Variants in CUX2 observed in about 807,000 individuals in gnomAD.
CUX2 encodes cut like homeobox 2, also known as homeobox protein cut-like 2.
CUX2 carries 40 observed loss-of-function variants against 144.8 expected under a neutral mutation model. That is an observed-to-expected ratio of 0.28 (90% CI 0.21 to 0.36). The LOEUF (loss-of-function observed/expected upper bound fraction) is 0.36, where lower values mean the gene tolerates loss of function less well. Ranked by LOEUF, CUX2 falls within the 10% of genes least tolerant of loss-of-function variation. The pLI is 1.00. For synonymous variants in CUX2, 827 were observed against 875.6 expected, an observed-to-expected ratio of 0.94 and a Z score of 0.98; for missense variants, 1,615 against 1,994.0, an observed-to-expected ratio of 0.81 and a Z score of 3.62.
chr12:111,241,200 A>G (rs1046176819), intron 3 of CUX2, among the ~76,000 whole-genome samples: 6 of 152,116 alleles, frequency 3.9e-5, no homozygotes, highest in Admixed American at 3.3e-4. Flanking sequence ...GAGAGAAACC[A>G]AGGAAGCAAG....
chr12:111,226,603 AT>A (rs1190034372), intron 3 of CUX2, among the ~76,000 whole-genome samples: 4 of 152,084 alleles, frequency 2.6e-5, no homozygotes, highest in African/African-American at 9.7e-5. Flanking sequence ...ATATTGACTG[AT>A]TTTTTTAATC....
At chr12:111,288,473 C>T (rs1019836612) in intron 4 of CUX2, among the ~76,000 whole-genome samples, 1 of 151,984 alleles carries the variant, frequency 6.6e-6, no homozygotes, top group Admixed American at 6.6e-5. Context: ...TTGAGGTCCA[C>T]ACTCTTGATC....
At chr12:111,088,665 G>A (rs1045530654) in intron 1 of CUX2, among the ~76,000 whole-genome samples, 1 of 152,204 alleles carries the variant, frequency 6.6e-6, no homozygotes, top group Non-Finnish European at 1.5e-5. Context: ...GAGAGCTTAA[G>A]GGACTTGTCT....
chr12:111,135,198 G>GA (rs368058590), intron 1 of CUX2, among the ~76,000 whole-genome samples: 9 of 139,146 alleles, frequency 6.5e-5, no homozygotes, highest in South Asian at 2.5e-4. Context: ...GTGCTATGAA[G>GA]AAAAAAAAAA....
chr12:111,322,753 T>A lies in CUX2; in HGVS notation c.2926+173T>A, dbSNP rs1256837616. Among the ~76,000 whole-genome samples the A allele has an allele frequency of 6.6e-6, 1 of 152,158 alleles. No homozygotes were observed. Among genetic ancestry groups the A allele is most frequent in the Non-Finnish European group, 1.5e-5 (1 of 68,008 alleles). Reference sequence around the variant, plus strand: ...GGAACATGGCGGGGGGTCCTGGGGTTTCTCTGCTCCCCTTTCTTCCTTCCT... The same window carrying A: ...GGAACATGGCGGGGGGTCCTGGGGTATCTCTGCTCCCCTTTCTTCCTTCCT... On this transcript the variant is annotated intron_variant, in intron 18 of 21. Coordinates refer to ENST00000261726, the MANE Select transcript of CUX2 (RefSeq NM_015267.4). This position sits in a 1 kb window ranked among gnomAD's most constrained non-coding sequence, Gnocchi z 4.2.
rs1877676999 is a variant in CUX2, at chr12:111,160,390, C to T, written c.64-53810C>T. ...GTATGGGCAAGCATGTGTGTGCGGGCATCTGGGCGTATTCGGGACGTGTGT... is the reference window on the plus strand; with the variant it reads ...GTATGGGCAAGCATGTGTGTGCGGGTATCTGGGCGTATTCGGGACGTGTGT... On this transcript the variant is annotated intron_variant, in intron 1 of 21. Coordinates refer to ENST00000261726, the MANE Select transcript of CUX2 (RefSeq NM_015267.4). The surrounding 1 kb of genome is among the most constrained non-coding windows in gnomAD (Gnocchi z 4.1). Among the ~76,000 whole-genome samples the T allele has an allele frequency of 6.6e-6, 1 of 152,020 alleles. No homozygotes were observed. The highest frequency in any genetic ancestry group is 1.5e-5 in the Non-Finnish European group (1 of 67,982).
rs1350834773 is a variant in CUX2 at position 111,255,579 on chromosome 12, A to C, written c.223-8182A>C. Among the ~76,000 whole-genome samples, 1 of 152,156 alleles carries C rather than the reference A, an allele frequency of 6.6e-6. No homozygotes were observed. The highest frequency in any genetic ancestry group is 2.4e-5 in the African/African-American group (1 of 41,436). ...AAGAATCGATTCTGAGTGGAGGCTG[A>C]GAAGCATGGGCTTTGCTGTCAGACT... is the stretch of plus-strand genomic sequence containing the variant. On this transcript the variant is annotated intron_variant, in intron 3 of 21. Transcript: ENST00000261726. This position sits in a 1 kb window ranked among gnomAD's most constrained non-coding sequence, Gnocchi z 4.1.
rs1884947180 is a variant in CUX2, at chr12:111,277,794, C to T, written c.302-13624C>T. 6.6e-6 allele frequency among the ~76,000 whole-genome samples: 1 copy of T among 152,192 alleles called. No homozygotes were observed. Among genetic ancestry groups the T allele is most frequent in the African/African-American group, 2.4e-5 (1 of 41,450 alleles). On this transcript the variant is annotated intron_variant, in intron 4 of 21. Transcript: ENST00000261726. This position sits in a 1 kb window ranked among gnomAD's most constrained non-coding sequence, Gnocchi z 5.0. ...GACGACTGCATTAGGGACTCTTAGT[C>T]ACCTGTCACGGCTGTAACAAATACC...
chr12:111,054,914 A>C (rs56131838), intron 1 of CUX2, among the ~76,000 whole-genome samples: 4,383 of 152,310 alleles, frequency 0.029, 190 homozygotes, highest in African/African-American at 0.1. Context: ...GGCATGAGCC[A>C]CCACACCCGG....
intron 1 of CUX2, among the ~76,000 whole-genome samples, chr12:111,208,314 G>T (rs1016100398): frequency 6.6e-6 from 1 of 152,082 alleles, no homozygotes; most frequent in Non-Finnish European, 1.5e-5. Context: ...GGGATCTCAG[G>T]TTGTGTCTTA....
chr12:111,241,943 C>T (rs114848110), intron 3 of CUX2, among the ~76,000 whole-genome samples: 1 of 152,252 alleles, frequency 6.6e-6, no homozygotes, highest in Non-Finnish European at 1.5e-5. Context: ...ACAAGATGGG[C>T]TGATAGTTTG....
intron 3 of CUX2, among the ~76,000 whole-genome samples, chr12:111,220,002 G>C (rs1242239829): frequency 6.6e-6 from 1 of 152,076 alleles, no homozygotes; most frequent in Non-Finnish European, 1.5e-5. Context: ...AAATTAGCCA[G>C]GTGTGGTAGT....
At position 111,243,974 on chromosome 12, in the gene CUX2, C is replaced by T. The variant is rs113396330; in HGVS notation, c.223-19787C>T. ...TTTCCTAAAAACTTTCCTCTGACTG[C>T]AGCTGATTGGACCAGGGGCTGATGC... is the stretch of plus-strand genomic sequence containing the variant. On this transcript the variant is annotated intron_variant, in intron 3 of 21. Transcript: ENST00000261726. Among the ~76,000 whole-genome samples, 408 of 152,332 alleles carry T rather than the reference C, an allele frequency of 2.7e-3. 4 individuals carry two copies. Among genetic ancestry groups the T allele is most frequent in the African/African-American group, 9.2e-3 (384 of 41,566 alleles).
At chr12:111,091,340 G>A (rs963797597) in intron 1 of CUX2, among the ~76,000 whole-genome samples, 9 of 152,290 alleles carry the variant, frequency 5.9e-5, no homozygotes, top group East Asian at 3.9e-4. Context: ...CGACTCAGCC[G>A]TGCCCTTTTC....
chr12:111,216,417 T>A (rs73415978), intron 2 of CUX2, among the ~76,000 whole-genome samples: 4,044 of 152,254 alleles, frequency 0.027, 187 homozygotes, highest in African/African-American at 0.092. Context: ...ACATTTTTAT[T>A]TAGTCTGTAA....
At position 111,306,855 on chromosome 12, in the gene CUX2, G is replaced by A; in HGVS notation, c.859-66G>A. 2.2e-6 allele frequency: 3 copies of A among 1,354,832 alleles called. No individual in the cohort carries two copies. The South Asian group carries it at 4.2e-5, about 19-fold the overall frequency. 83.9% of individuals were successfully genotyped at this position (1,354,832 alleles called of 1,614,324 possible). On this transcript the variant is annotated intron_variant, in intron 10 of 21. Coordinates refer to ENST00000261726, the MANE Select transcript of CUX2 (RefSeq NM_015267.4). ...GCATTCTGCTTGGGATTCAGGGGTG[G>A]GGAGGCCAGACCTGTGGACCCCCAT...
chr12:111,168,211 C>T (rs1161991721), intron 1 of CUX2, among the ~76,000 whole-genome samples: 1 of 152,166 alleles, frequency 6.6e-6, no homozygotes, highest in Non-Finnish European at 1.5e-5. Context: ...CAGTTTGTGG[C>T]TCCTCACCTC....
At chr12:111,197,821 CAGCCCCAAAA>C (rs1880334922) in intron 1 of CUX2, among the ~76,000 whole-genome samples, 1 of 152,218 alleles carries the variant, frequency 6.6e-6, no homozygotes, top group Admixed American at 6.5e-5. Context: ...TGAAATAACA[CAGCCCCAAAA>C]TGTGCATGGG....
chr12:111,102,326 C>T (rs1345683394), intron 1 of CUX2, among the ~76,000 whole-genome samples: 1 of 152,250 alleles, frequency 6.6e-6, no homozygotes, highest in Admixed American at 6.5e-5. Flanking sequence ...CCTGGCAGCT[C>T]TCCCTCCGAG....
Sources: gnomAD v4.1 joint callset for allele counts (sites outside exome capture counted in the v4.1 genomes callset) on GRCh38, gnomAD v4.1.1 for gene constraint, Gnocchi (gnomAD v3.1) non-coding constraint, MANE v1.5 for transcripts, NCBI Gene and HGNC (gene_info 2026-07-23, HGNC 2026-07-21) for gene names.